Variants in PTPRO observed in about 807,000 individuals in gnomAD.
PTPRO encodes the protein protein tyrosine phosphatase receptor type O.
PTPRO carries 62 observed loss-of-function variants against 145.2 expected under a neutral mutation model. That is an observed-to-expected ratio of 0.43 (90% confidence interval 0.35 to 0.53). PTPRO has a LOEUF of 0.53. PTPRO is among the 20% of genes least tolerant of loss of function. The pLI is 0.01. For missense variants in PTPRO, 1,345 were observed against 1,482.7 expected (o/e 0.91, Z 1.53); for synonymous variants, 565 against 514.7 (o/e 1.10, Z -1.32).
intron 2 of PTPRO, among the ~76,000 whole-genome samples, chr12:15,491,400 C>A (rs1418187367): frequency 6.6e-6 from 1 of 152,166 alleles, no homozygotes; most frequent in Non-Finnish European, 1.5e-5. Context: ...TTTCTTTAAA[C>A]AATATGTGCT....
chr12:15,507,637 A>G (rs1057198047), intron 6 of PTPRO, among the ~76,000 whole-genome samples: 3 of 152,196 alleles, frequency 2.0e-5, no homozygotes, highest in African/African-American at 7.2e-5. Context: ...CTGACCTGCC[A>G]GGAACAAACC....
intron 15 of PTPRO, among the ~76,000 whole-genome samples, chr12:15,551,990 A>G (rs923783581): frequency 2.1e-5 from 3 of 143,270 alleles, no homozygotes; most frequent in Admixed American, 1.5e-4. Context: ...TAAAAGAAAT[A>G]TCTATGACAG....
chr12:15,398,801 T>C (rs1052963377), intron 1 of PTPRO, among the ~76,000 whole-genome samples: 3 of 152,182 alleles, frequency 2.0e-5, no homozygotes, highest in Admixed American at 2.0e-4. Context: ...AACTTGATGG[T>C]TGTCATATTT....
chr12:15,431,495 T>C (rs1283331182), intron 1 of PTPRO, among the ~76,000 whole-genome samples: 1 of 152,234 alleles, frequency 6.6e-6, no homozygotes, highest in Non-Finnish European at 1.5e-5. Flanking sequence ...CTTCTGTAAT[T>C]AAAACATTTT....
intron 1 of PTPRO, among the ~76,000 whole-genome samples, chr12:15,458,745 A>T (rs1441841302): frequency 6.6e-6 from 1 of 151,686 alleles, no homozygotes; most frequent in African/African-American, 2.4e-5. Context: ...CACTTTGTTC[A>T]TGCATGTTCT....
At chr12:15,492,066 T>C (rs1308242540) in intron 2 of PTPRO, among the ~76,000 whole-genome samples, 1 of 152,240 alleles carries the variant, frequency 6.6e-6, no homozygotes, top group Admixed American at 6.5e-5. Flanking sequence ...GAATCTATAG[T>C]GATAACCACT....
chr12:15,371,960 A>G (rs2136260270), intron 1 of PTPRO, among the ~76,000 whole-genome samples: 1 of 152,268 alleles, frequency 6.6e-6, no homozygotes, highest in African/African-American at 2.4e-5. Context: ...GTCATGCTGA[A>G]CTGTGAGTCA....
At chr12:15,435,349 G>T (rs867621519) in intron 1 of PTPRO, among the ~76,000 whole-genome samples, 1 of 152,220 alleles carries the variant, frequency 6.6e-6, no homozygotes, top group East Asian at 1.9e-4. Context: ...CAAAGGAAAA[G>T]TATAAAAATT....
chr12:15,349,807 G>C (rs1227603128), intron 1 of PTPRO, among the ~76,000 whole-genome samples: 2 of 152,220 alleles, frequency 1.3e-5, no homozygotes, highest in East Asian at 3.9e-4. Flanking sequence ...AGATTTAATA[G>C]GTAAAATTAA....
intron 2 of PTPRO, among the ~76,000 whole-genome samples, chr12:15,487,935 G>A (rs373977493): frequency 1.3e-5 from 2 of 152,188 alleles, no homozygotes; most frequent in Non-Finnish European, 2.9e-5. Context: ...CATTAAACTC[G>A]GAGCTGCTTT....
intron 16 of PTPRO, among the ~76,000 whole-genome samples, chr12:15,558,194 A>C (rs1289460627): frequency 5.9e-5 from 9 of 152,258 alleles, no homozygotes; most frequent in African/African-American, 1.9e-4. Flanking sequence ...TCGGCCTCCC[A>C]AAGTGCTGGG....
chr12:15,413,886 T>C (rs189079579), intron 1 of PTPRO, among the ~76,000 whole-genome samples: 84 of 152,290 alleles, frequency 5.5e-4, no homozygotes, highest in African/African-American at 1.9e-3. Context: ...ATATTTCATT[T>C]GAGCAAAGCA....
chr12:15,546,459 C>A, intron 12 of PTPRO, 110 bp from the exon 13 acceptor site: 1 of 1,526,810 alleles, frequency 6.5e-7, no homozygotes, highest in Non-Finnish European at 8.8e-7. Flanking sequence ...CTTTATGGTG[C>A]TCTTACCTAC....
intron 1 of PTPRO, among the ~76,000 whole-genome samples, chr12:15,361,495 T>A (rs1164448562): frequency 6.7e-6 from 1 of 149,890 alleles, no homozygotes; most frequent in Non-Finnish European, 1.5e-5. Flanking sequence ...TCAGAACATG[T>A]ATCCAACACC....
intron 19 of PTPRO, among the ~76,000 whole-genome samples, chr12:15,572,548 ATCT>A (rs1180884196): frequency 6.6e-6 from 1 of 152,084 alleles, no homozygotes; most frequent in Non-Finnish European, 1.5e-5. Flanking sequence ...GTACCTTATA[ATCT>A]TCATCATTTT....
intron 1 of PTPRO, among the ~76,000 whole-genome samples, chr12:15,437,910 G>A (rs983426746): frequency 6.6e-6 from 1 of 152,168 alleles, no homozygotes; most frequent in Non-Finnish European, 1.5e-5. Flanking sequence ...TACCCCCACA[G>A]TGCTGAGCAG....
At chr12:15,587,668 A>G (rs921295652) in intron 24 of PTPRO, among the ~76,000 whole-genome samples, 13 of 152,270 alleles carry the variant, frequency 8.5e-5, no homozygotes, top group Non-Finnish European at 2.9e-5. Flanking sequence ...AGGAAAAGTT[A>G]TCATTAAATT....
At chr12:15,522,988 C>T (rs1287320913) in intron 10 of PTPRO, among the ~76,000 whole-genome samples, 1 of 152,070 alleles carries the variant, frequency 6.6e-6, no homozygotes, top group Non-Finnish European at 1.5e-5. Flanking sequence ...TATTAGGAGG[C>T]TATAAGGAAG....
rs764683430 is a variant in PTPRO at position 15,345,280 on chromosome 12, TAA to T, written c.75+22482_75+22483del. The stretch of plus-strand genomic sequence containing the variant: ...TTATTTTATAGTATCACTACATATT[TAA>T]AAGATACTATAAAGACACATGCACA... On this transcript the variant is annotated intron_variant, in intron 1 of 26. Transcript: ENST00000281171. 6.8e-4 allele frequency among the ~76,000 whole-genome samples: 103 copies of T among 152,262 alleles called. 1 individual carries two copies. The highest frequency in any genetic ancestry group is 2.6e-4 in the Non-Finnish European group (18 of 68,012).
Sources: allele counts gnomAD v4.1 joint callset (sites outside exome capture counted in the v4.1 genomes callset), GRCh38; gene constraint gnomAD v4.1.1; transcripts MANE v1.5; gene names NCBI Gene and HGNC (gene_info 2026-07-23, HGNC 2026-07-21).